OTOF: variants seen among roughly 807,000 people sequenced by gnomAD.
OTOF encodes the protein fer-1-like family member 2.
In OTOF, 218 loss-of-function variants were observed where a neutral mutation model predicts 236.8. That is an observed-to-expected ratio of 0.92 (90% CI 0.82 to 1.03). OTOF has a LOEUF of 1.03. Ranked by LOEUF, OTOF falls within the 50% of genes least tolerant of loss-of-function variation. The pLI is 0.00. For synonymous variants in OTOF, 1,041 were observed against 1,072.5 expected (o/e 0.97, Z 0.57); for missense variants, 2,590 against 2,694.4 (o/e 0.96, Z 0.86).
intron 8 of OTOF, among the ~76,000 whole-genome samples, chr2:26,496,264 C>T (rs372244844): frequency 6.9e-6 from 1 of 144,390 alleles, no homozygotes; most frequent in Non-Finnish European, 1.5e-5. Flanking sequence ...CACTGAGTCT[C>T]TCTCTGTCAC....
In OTOF at chr2:26,463,493, T is replaced by C. The variant is rs774025737; in HGVS notation, c.5182A>G (p.Lys1728Glu). ...CCCCAGGCCGCTCACTTCTTGGGCT[T>C]CCGAGGTGAGATGTCCAGAGGCGTC... The part of the protein sequence containing the change: ...PGTPLDISPR[K>E]PKKYELRVII... The change falls in exon 41 of 47, where the codon AAG becomes GAG. Residue 1728 changes from lysine (K) to glutamate (E), a missense_variant. By Grantham distance (56) the Lys-to-Glu change is moderately conservative. This residue lies in a region of OTOF where 1,211 missense variants were observed against 1,352.8 expected (regional missense o/e 0.90). Transcript: ENST00000272371. 1.9e-6 allele frequency: 3 copies of C among 1,604,254 alleles called. No homozygotes were observed. In the Admixed American group the frequency reaches 5.1e-5, roughly 27 times the overall value.
intron 2 of OTOF, among the ~76,000 whole-genome samples, chr2:26,528,623 C>G (rs1289011136): frequency 6.6e-6 from 1 of 152,182 alleles, no homozygotes; most frequent in African/African-American, 2.4e-5. Flanking sequence ...TCCTGGTGCC[C>G]TAGAAGTGGC....
At chr2:26,557,619 A>G (rs916421504) in intron 1 of OTOF, among the ~76,000 whole-genome samples, 1 of 151,958 alleles carries the variant, frequency 6.6e-6, no homozygotes, top group African/African-American at 2.4e-5. Flanking sequence ...AGCTCTGGGC[A>G]CACTGTTTCC....
Position 26,477,536 on chromosome 2 carries a change from A to G in OTOF, c.2316-30T>C. The stretch of plus-strand genomic sequence containing the variant: ...GGGTAGGGCGAGCCGGGGTTTAGCG[A>G]GCCTGACCAGCAGGGGCTCTGTAGA... On this transcript the variant is annotated intron_variant, in intron 19 of 46. Coordinates refer to ENST00000272371, the MANE Select transcript of OTOF (RefSeq NM_194248.3). This position sits in a 1 kb window ranked among gnomAD's most constrained non-coding sequence, Gnocchi z 4.7. The G allele has an allele frequency of 6.3e-7, 1 of 1,596,120 alleles. No individual in the cohort carries two copies. Among genetic ancestry groups the G allele is most frequent in the Non-Finnish European group, 8.5e-7 (1 of 1,170,476 alleles).
At chr2:26,520,146 T>C (rs1450316878) in intron 3 of OTOF, among the ~76,000 whole-genome samples, 3 of 152,184 alleles carry the variant, frequency 2.0e-5, no homozygotes, top group Non-Finnish European at 4.4e-5. Context: ...ACATGGTGCT[T>C]CCACATAGAG....
chr2:26,558,369 C>T, intron 1 of OTOF, 124 bp downstream of exon 1: 1 of 844,398 alleles, frequency 1.2e-6, no homozygotes, highest in Middle Eastern at 2.2e-4. Flanking sequence ...GGCTCGTCGC[C>T]CCAGCCCCTG....
At chr2:26,519,132 G>T in intron 3 of OTOF, 23 bp from the exon 4 acceptor site, 2 of 1,487,194 alleles carry the variant, frequency 1.3e-6, no homozygotes, top group Non-Finnish European at 9.3e-7. Context: ...GAGGGGGCAC[G>T]GTGGTAACAT....
chr2:26,464,935 G>A lies in OTOF; in HGVS notation c.4894C>T (p.Pro1632Ser), dbSNP rs749332831. The A allele has an allele frequency of 9.5e-6, 15 of 1,582,098 alleles. No individual in the cohort carries two copies. The highest frequency in any genetic ancestry group is 1.4e-5 in the African/African-American group (1 of 72,840). Residue 1632 changes from proline to serine, a missense_variant, in exon 39 of 47, where the codon CCC becomes TCC. By Grantham distance (74) the Pro-to-Ser change is moderately conservative. Coordinates refer to ENST00000272371, the MANE Select transcript of OTOF (RefSeq NM_194248.3). ...TTGGCCACCTTCACTCTCCCAGGGG[G>A]CCCAAAGTGGGGGCCGTCCACTTTG... ...DGKVDGPHFGPPGRVKVANRV... is the reference protein window; with the variant it reads ...DGKVDGPHFGSPGRVKVANRV...
At chr2:26,557,074 G>A (rs1476227650) in intron 1 of OTOF, among the ~76,000 whole-genome samples, 2 of 152,130 alleles carry the variant, frequency 1.3e-5, no homozygotes, top group Admixed American at 6.5e-5. Flanking sequence ...CTGCCGGCAG[G>A]GCCACTGCCA....
At chr2:26,492,255 T>C (rs934834546) in intron 9 of OTOF, among the ~76,000 whole-genome samples, 4 of 152,134 alleles carry the variant, frequency 2.6e-5, no homozygotes, top group African/African-American at 9.7e-5. Flanking sequence ...GCTATTGGCA[T>C]CTACTGGGTA....
intron 1 of OTOF, among the ~76,000 whole-genome samples, chr2:26,555,879 C>A (rs1233153765): frequency 2.6e-5 from 4 of 152,206 alleles, no homozygotes; most frequent in Admixed American, 2.6e-4. Flanking sequence ...CTCTTCCATA[C>A]CTATGGTTTC....
intron 1 of OTOF, among the ~76,000 whole-genome samples, chr2:26,548,149 T>C (rs1667377841): frequency 6.6e-6 from 1 of 152,226 alleles, no homozygotes; most frequent in Non-Finnish European, 1.5e-5. Context: ...TGGTAATTTG[T>C]GTTTTCTTGC....
intron 34 of OTOF, 59 bp downstream of exon 34, chr2:26,467,306 C>T (rs1664778825): frequency 6.2e-7 from 1 of 1,613,840 alleles, no homozygotes; most frequent in South Asian, 1.1e-5. Flanking sequence ...TGCAGGATCA[C>T]TGCGCCCCCC....
intron 2 of OTOF, among the ~76,000 whole-genome samples, chr2:26,533,957 C>T (rs915176716): frequency 1.3e-5 from 2 of 152,096 alleles, no homozygotes; most frequent in African/African-American, 4.8e-5. Context: ...AGGCTGGAGA[C>T]CTCTTCTTCC....
At chr2:26,516,965 C>T (rs1253807847) in intron 4 of OTOF, among the ~76,000 whole-genome samples, 2 of 152,162 alleles carry the variant, frequency 1.3e-5, no homozygotes, top group Non-Finnish European at 2.9e-5. Flanking sequence ...CATGATCAGG[C>T]CACCTCCTCT....
chr2:26,533,684 A>C (rs1372435337), intron 2 of OTOF, among the ~76,000 whole-genome samples: 3 of 152,162 alleles, frequency 2.0e-5, no homozygotes, highest in Admixed American at 6.5e-5. Flanking sequence ...TCCAGGCCAC[A>C]GCAAAGGGCT....
At chr2:26,524,326 G>A (rs1389639785) in intron 3 of OTOF, among the ~76,000 whole-genome samples, 1 of 152,126 alleles carries the variant, frequency 6.6e-6, no homozygotes, top group African/African-American at 2.4e-5. Context: ...TGGCCAACAT[G>A]GGGAAAACCC....
Position 26,463,486 on chromosome 2 carries a change from T to C in OTOF, c.5189A>G (p.Lys1730Arg). 6.2e-7 allele frequency: 1 copy of C among 1,601,094 alleles called. No homozygotes were observed. The highest frequency in any genetic ancestry group is 8.5e-7 in the Non-Finnish European group (1 of 1,174,026). Residue 1730 changes from lysine (K) to arginine (R), a missense_variant, in exon 41 of 47, where the codon AAG becomes AGG. Coordinates refer to ENST00000272371, the MANE Select transcript of OTOF (RefSeq NM_194248.3). ...TPLDISPRKP[K>R]KYELRVIIWN... Reference sequence around the variant, plus strand: ...CGCTGGGCCCCAGGCCGCTCACTTCTTGGGCTTCCGAGGTGAGATGTCCAG... The same window carrying C: ...CGCTGGGCCCCAGGCCGCTCACTTCCTGGGCTTCCGAGGTGAGATGTCCAG...
chr2:26,500,377 T>C (rs1666087568), intron 8 of OTOF, among the ~76,000 whole-genome samples: 1 of 152,266 alleles, frequency 6.6e-6, no homozygotes, highest in Non-Finnish European at 1.5e-5. Context: ...ATAATGACTC[T>C]ATTTTTGATG....
Sources: allele counts gnomAD v4.1 joint callset (sites outside exome capture counted in the v4.1 genomes callset), GRCh38; gene constraint gnomAD v4.1.1; regional missense constraint gnomAD v4.1.1; non-coding constraint Gnocchi (gnomAD v3.1); transcripts MANE v1.5; gene names NCBI Gene and HGNC (gene_info 2026-07-23, HGNC 2026-07-21).